CDH1: variants seen among roughly 807,000 people sequenced by gnomAD.
CDH1 encodes the protein cadherin-1.
In CDH1, 35 loss-of-function variants were observed where a neutral mutation model predicts 84.5. That is an observed-to-expected ratio of 0.41 (90% CI 0.32 to 0.55). CDH1 has a LOEUF of 0.55. Among genes scored for constraint, CDH1 ranks in the 20% least tolerant of loss-of-function variants. CDH1 has a pLI of 0.19. For missense variants in CDH1, 994 were observed against 1,126.6 expected, an observed-to-expected ratio of 0.88 and a Z score of 1.68; for synonymous variants, 417 against 439.0, an observed-to-expected ratio of 0.95 and a Z score of 0.63.
chr16:68,797,801 G>A (rs1373086313), intron 2 of CDH1, among the ~76,000 whole-genome samples: 1 of 152,164 alleles, frequency 6.6e-6, no homozygotes, highest in African/African-American at 2.4e-5. Flanking sequence ...TTTCCCAGCT[G>A]GGCACAGTGG....
intron 15 of CDH1, among the ~76,000 whole-genome samples, chr16:68,831,891 A>T (rs1212780636): frequency 6.6e-6 from 1 of 152,010 alleles, no homozygotes; most frequent in Non-Finnish European, 1.5e-5. Flanking sequence ...ATTCATACTC[A>T]TTTGCAAGTC....
At chr16:68,816,783 GT>G (rs1372027669) in intron 10 of CDH1, among the ~76,000 whole-genome samples, 1 of 152,082 alleles carries the variant, frequency 6.6e-6, no homozygotes, top group Non-Finnish European at 1.5e-5. Context: ...CATTTTCTAT[GT>G]GTAGCCAATG....
intron 6 of CDH1, among the ~76,000 whole-genome samples, chr16:68,811,307 G>T (rs910018154): frequency 9.4e-5 from 14 of 148,376 alleles, no homozygotes; most frequent in African/African-American, 2.7e-4. Flanking sequence ...TGAAGCAGGA[G>T]AATTGCTTGA....
intron 7 of CDH1, 45 bp from the exon 8 acceptor site, chr16:68,812,090 G>T: frequency 1.2e-6 from 2 of 1,613,616 alleles, no homozygotes; most frequent in Non-Finnish European, 1.7e-6. Flanking sequence ...GCCAAAGGTG[G>T]CTAGTGTTCC....
intron 2 of CDH1, among the ~76,000 whole-genome samples, chr16:68,784,187 A>G (rs1339597315): frequency 1.3e-5 from 2 of 151,790 alleles, no homozygotes; most frequent in Non-Finnish European, 2.9e-5. Context: ...TTATGCATGT[A>G]AAATCTATAA....
At chr16:68,751,455 A>G (rs1962880991) in intron 2 of CDH1, among the ~76,000 whole-genome samples, 1 of 152,160 alleles carries the variant, frequency 6.6e-6, no homozygotes, top group African/African-American at 2.4e-5. Context: ...CTTTGCTTAA[A>G]TGTCACTCCC....
At chr16:68,793,994 C>G (rs1960284586) in intron 2 of CDH1, among the ~76,000 whole-genome samples, 1 of 150,198 alleles carries the variant, frequency 6.7e-6, no homozygotes, top group Non-Finnish European at 1.5e-5. Flanking sequence ...ACTGCTCTAT[C>G]TAATAAGGAC....
intron 9 of CDH1, among the ~76,000 whole-genome samples, 164 bp from the exon 10 acceptor site, chr16:68,815,351 G>A (rs1185681313): frequency 6.6e-6 from 1 of 152,086 alleles, no homozygotes; most frequent in Non-Finnish European, 1.5e-5. Context: ...GAGAAGCCAT[G>A]GTAAGTAATT....
intron 10 of CDH1, among the ~76,000 whole-genome samples, chr16:68,818,260 GAAAA>G (rs993742961): frequency 2.8e-5 from 4 of 142,074 alleles, no homozygotes; most frequent in Admixed American, 2.8e-4. Flanking sequence ...AAAAAGAAAA[GAAAA>G]AAAAAGAAAA....
chr16:68,774,425 T>G (rs1425355813), intron 2 of CDH1, among the ~76,000 whole-genome samples: 26 of 152,048 alleles, frequency 1.7e-4, no homozygotes, highest in South Asian at 1.0e-3. Flanking sequence ...GAGGCCAAGA[T>G]AGGATAATTG....
chr16:68,745,640 A>T (rs986991091), intron 2 of CDH1, among the ~76,000 whole-genome samples: 4 of 44,414 alleles, frequency 9.0e-5, no homozygotes, highest in African/African-American at 2.6e-4. Context: ...TATATATTTC[A>T]TGATGCACAT....
rs1961573413 is a variant in CDH1, at chr16:68,834,052, G to C, written c.*553G>C. On this transcript the variant is annotated 3_prime_UTR_variant, in exon 16 of 16. Coordinates refer to ENST00000261769, the MANE Select transcript of CDH1 (RefSeq NM_004360.5). Reference sequence around the variant, plus strand: ...GCTCACTGCAGCCTTGTCCTCCCAGGCTCAAGCTATCCTTGCACCTCAGCC... The same window carrying C: ...GCTCACTGCAGCCTTGTCCTCCCAGCCTCAAGCTATCCTTGCACCTCAGCC... 2 of 374,490 alleles carry C rather than the reference G, an allele frequency of 5.3e-6. No homozygotes were observed. 23.2% of individuals were successfully genotyped at this position (374,490 alleles called of 1,614,324 possible).
intron 2 of CDH1, among the ~76,000 whole-genome samples, chr16:68,752,526 T>G (rs1224671440): frequency 1.3e-5 from 2 of 151,040 alleles, no homozygotes; most frequent in African/African-American, 2.4e-5. Flanking sequence ...ATGAGAGGTT[T>G]CAGAGTGTAT....
In CDH1 at chr16:68,833,440, G is replaced by A. The variant is rs142927667; in HGVS notation, c.2590G>A (p.Glu864Lys). The change falls in exon 16 of 16, where the codon GAA (glutamate) becomes AAA (lysine). Residue 864 changes from glutamate to lysine, a missense_variant. Around this residue, in one of 3 missense-constraint regions of CDH1, gnomAD observed 769 missense variants for 881.8 expected, o/e 0.87. Coordinates refer to ENST00000261769, the MANE Select transcript of CDH1 (RefSeq NM_004360.5). Reference protein sequence around the residue: ...DKDQDYDYLNEWGNRFKKLAD... With the variant: ...DKDQDYDYLNKWGNRFKKLAD... ...AGACCAGGACTATGACTACTTGAACGAATGGGGCAATCGCTTCAAGAAGCT... is the reference window on the plus strand; with the variant it reads ...AGACCAGGACTATGACTACTTGAACAAATGGGGCAATCGCTTCAAGAAGCT... 7.4e-6 allele frequency: 12 copies of A among 1,614,166 alleles called. No homozygotes were observed. The highest frequency in any genetic ancestry group is 4.4e-5 in the South Asian group (4 of 91,084).
intron 12 of CDH1, chr16:68,822,805 C>T (rs1166619839): frequency 1.2e-5 from 3 of 245,626 alleles, no homozygotes; most frequent in Non-Finnish European, 2.4e-5. Flanking sequence ...ACCAGTGTGG[C>T]GGCCGCACTG....
chr16:68,798,254 T>TA (rs1181289930), intron 2 of CDH1, among the ~76,000 whole-genome samples: 1 of 152,212 alleles, frequency 6.6e-6, no homozygotes, highest in African/African-American at 2.4e-5. Context: ...TAGCTTTTTT[T>TA]ATGGGCATGT....
chr16:68,753,036 C>T (rs1257399922), intron 2 of CDH1, among the ~76,000 whole-genome samples: 1 of 151,798 alleles, frequency 6.6e-6, no homozygotes, highest in African/African-American at 2.4e-5. Flanking sequence ...ATGAGAGACG[C>T]AAAAAGCTCA....
chr16:68,832,568 C>T (rs1022237250), intron 15 of CDH1, among the ~76,000 whole-genome samples: 3 of 151,994 alleles, frequency 2.0e-5, no homozygotes, highest in Non-Finnish European at 4.4e-5. Context: ...GCCTGTAATC[C>T]CAGCACTTTG....
At chr16:68,814,926 A>G (rs1960942495) in intron 9 of CDH1, among the ~76,000 whole-genome samples, 1 of 151,576 alleles carries the variant, frequency 6.6e-6, no homozygotes, top group Admixed American at 6.6e-5. Context: ...TCTCTTAAAA[A>G]AAAAAAAAAA....
Sources: allele counts gnomAD v4.1 joint callset (sites outside exome capture counted in the v4.1 genomes callset), GRCh38; gene constraint gnomAD v4.1.1; regional missense constraint gnomAD v4.1.1; transcripts MANE v1.5; gene names NCBI Gene and HGNC (gene_info 2026-07-23, HGNC 2026-07-21).